The following NANOGNB variants were observed in gnomAD, a reference collection of about 807,000 sequenced individuals.
NANOGNB encodes NANOG neighbor homeobox.
In NANOGNB, 30 loss-of-function variants were observed where a neutral mutation model predicts 25.0. That is an observed-to-expected ratio of 1.20 (90% CI 0.90 to 1.63). NANOGNB has a LOEUF of 1.63. Ranked by LOEUF, NANOGNB falls within the 40% of genes most tolerant of loss-of-function variation. NANOGNB has a pLI of 0.00. For missense variants in NANOGNB, 200 were observed against 188.1 expected, an observed-to-expected ratio of 1.06 and a Z score of -0.37; for synonymous variants, 84 against 62.1, an observed-to-expected ratio of 1.35 and a Z score of -1.66.
chr12:7,771,326 T>G (rs1035350560), intron 3 of NANOGNB, among the ~76,000 whole-genome samples: 4 of 151,984 alleles, frequency 2.6e-5, no homozygotes, highest in Non-Finnish European at 5.9e-5. Context: ...GTTCACACCA[T>G]TCTCCTGCCT....
In NANOGNB at chr12:7,770,056, G is replaced by A. The variant is rs1218520248; in HGVS notation, c.176G>A (p.Gly59Glu). ...TGNYSEDEQN[G>E]KQKWREEGEA... ...AATTACAGTGAAGATGAACAAAATG[G>A]AAAGCAGAAATGGAGAGAAGAAGGA... Residue 59 changes from glycine to glutamate, a missense_variant, in exon 2 of 4, where the codon GGA becomes GAA. Coordinates refer to ENST00000382119, the MANE Select transcript of NANOGNB (RefSeq NM_001145465.1). The A allele has an allele frequency of 3.2e-6, 5 of 1,541,042 alleles. No individual in the cohort carries two copies. The South Asian group carries it at 6.1e-5, about 19-fold the overall frequency.
chr12:7,767,728 C>A (rs1865257444), intron 1 of NANOGNB, among the ~76,000 whole-genome samples: 1 of 150,746 alleles, frequency 6.6e-6, no homozygotes, highest in African/African-American at 2.4e-5. Flanking sequence ...TGTATTTCAA[C>A]TTTCACTTAA....
chr12:7,772,573 G>A (rs895462340), intron 3 of NANOGNB, among the ~76,000 whole-genome samples: 2 of 121,336 alleles, frequency 1.6e-5, no homozygotes, highest in African/African-American at 6.3e-5. Context: ...CACCGCACCC[G>A]GCCTTTTTTT....
chr12:7,765,292 C>G lies in NANOGNB; in HGVS notation c.7C>G (p.Arg3Gly), dbSNP rs775855759. Residue 3 changes from arginine (R) to glycine (G), a missense_variant, in exon 1 of 4, where the codon CGG becomes GGG. Physicochemically the swap from Arg to Gly is moderately radical, Grantham distance 125. Transcript: ENST00000382119. MH[R>G]ARWLTPVIPA... ...TGGTCTTTAAAACTCCTCAATGCAC[C>G]GGGCGCGGTGGCTCACGCCTGTAAT... is the stretch of plus-strand genomic sequence containing the variant. The G allele has an allele frequency of 1.9e-5, 24 of 1,280,506 alleles. No homozygotes were observed. Among genetic ancestry groups the G allele is most frequent in the Non-Finnish European group, 2.3e-5 (23 of 981,482 alleles). The allele number at this position is 1,280,506 out of a possible 1,614,324, so 79.3% of individuals were successfully genotyped here.
chr12:7,772,033 G>A (rs1862573012), intron 3 of NANOGNB, among the ~76,000 whole-genome samples: 1 of 152,184 alleles, frequency 6.6e-6, no homozygotes, highest in African/African-American at 2.4e-5. Context: ...ATGGAGGATT[G>A]CAAAGATCAT....
At chr12:7,770,353 CAA>C (rs1348048108) in intron 2 of NANOGNB, 38 bp downstream of exon 2, 5 of 1,517,838 alleles carry the variant, frequency 3.3e-6, no homozygotes, top group Non-Finnish European at 3.5e-6. Flanking sequence ...CATTGATAGA[CAA>C]AGTCACTTGT....
rs1160487787 is a variant in NANOGNB at position 7,765,410 on chromosome 12, AAT to A, written c.102+25_102+26del. ...AAGGTAAAACCCCGTTTCTACTAAA[AAT>A]ACAAAAAATTAGCTGGGCGTGGTGG... On this transcript the variant is annotated intron_variant, in intron 1 of 3. Transcript: ENST00000382119. The A allele has an allele frequency of 1.3e-5, 5 of 378,306 alleles. No homozygotes were observed. In the Admixed American group the frequency reaches 1.5e-4, roughly 12 times the overall value. 23.4% of individuals were successfully genotyped at this position (378,306 alleles called of 1,614,324 possible). A position where few individuals can be genotyped will look rare whatever the true frequency, so the allele number is the denominator to read the frequency against.
chr12:7,766,476 A>G (rs1427523208), intron 1 of NANOGNB, among the ~76,000 whole-genome samples: 1 of 152,226 alleles, frequency 6.6e-6, no homozygotes, highest in Non-Finnish European at 1.5e-5. Flanking sequence ...CCGTCTCAAC[A>G]AAACAAAACA....
intron 3 of NANOGNB, among the ~76,000 whole-genome samples, chr12:7,772,397 C>T (rs961861897): frequency 7.9e-5 from 12 of 151,826 alleles, no homozygotes; most frequent in Non-Finnish European, 1.6e-4. Flanking sequence ...TCTGCCCCAG[C>T]CTCCTGAGTA....
chr12:7,769,214 C>T (rs1865271168), intron 1 of NANOGNB, among the ~76,000 whole-genome samples: 1 of 152,008 alleles, frequency 6.6e-6, no homozygotes, highest in South Asian at 2.1e-4. Context: ...GGCTAGAGTG[C>T]AATGGTGCGA....
chr12:7,769,998 C>T lies in NANOGNB; in HGVS notation c.118C>T (p.Pro40Ser). The change falls in exon 2 of 4, where the codon CCT (proline) becomes TCT (serine). Residue 40 changes from proline (P) to serine (S), a missense_variant. By Grantham distance (74) the Pro-to-Ser change is moderately conservative (BLOSUM62 -1). Transcript: ENST00000382119. ...TTTTATACAGAAACAATCAGCTATG[C>T]CTTGGGATCAAGATCCAGAACAATC... ...ILANKKQSAM[P>S]WDQDPEQSTG... is the part of the protein sequence containing the mutation. The T allele has an allele frequency of 6.6e-7, 1 of 1,515,226 alleles. No individual in the cohort carries two copies. The highest frequency in any genetic ancestry group is 8.8e-7 in the Non-Finnish European group (1 of 1,136,446). 93.9% of individuals were successfully genotyped at this position (1,515,226 alleles called of 1,614,324 possible).
chr12:7,772,922 C>T (rs779534146), intron 3 of NANOGNB, among the ~76,000 whole-genome samples: 1 of 151,992 alleles, frequency 6.6e-6, no homozygotes, highest in African/African-American at 2.4e-5. Flanking sequence ...GGCCCAGGAT[C>T]TATTCTTATG....
At chr12:7,767,352 A>G (rs750339451) in intron 1 of NANOGNB, among the ~76,000 whole-genome samples, 1 of 151,882 alleles carries the variant, frequency 6.6e-6, no homozygotes, top group South Asian at 2.1e-4. Flanking sequence ...GAGGAGTGGT[A>G]GCAATAGAAG....
intron 3 of NANOGNB, among the ~76,000 whole-genome samples, chr12:7,771,470 C>T (rs759710379): frequency 3.5e-4 from 53 of 152,060 alleles, no homozygotes; most frequent in Admixed American, 1.4e-3. Flanking sequence ...CCGCCTGCCT[C>T]GGCCTCCGAA....
intron 1 of NANOGNB, 74 bp from the exon 2 acceptor site, chr12:7,769,909 G>A: frequency 9.6e-7 from 1 of 1,037,646 alleles, no homozygotes; most frequent in Non-Finnish European, 1.4e-6. Context: ...TTCTCCCAGG[G>A]AAGATTGTTG....
At chr12:7,765,712 G>A (rs1865240005) in intron 1 of NANOGNB, among the ~76,000 whole-genome samples, 1 of 152,130 alleles carries the variant, frequency 6.6e-6, no homozygotes, top group South Asian at 2.1e-4. Flanking sequence ...TCAAACCACT[G>A]GGCAGATGGA....
intron 1 of NANOGNB, among the ~76,000 whole-genome samples, chr12:7,767,763 T>C (rs1865257862): frequency 1.3e-5 from 2 of 151,722 alleles, no homozygotes. Context: ...TCCTCTTTTT[T>C]TTTTTTTTTT....
At chr12:7,771,172 A>G (rs1441964694) in intron 3 of NANOGNB, among the ~76,000 whole-genome samples, 1 of 152,176 alleles carries the variant, frequency 6.6e-6, no homozygotes, top group Non-Finnish European at 1.5e-5. Context: ...GCAAAAGCTC[A>G]TGTGATTTTT....
chr12:7,771,244 G>A (rs182772139), intron 3 of NANOGNB, among the ~76,000 whole-genome samples: 17 of 152,230 alleles, frequency 1.1e-4, no homozygotes, highest in Non-Finnish European at 4.4e-5. Flanking sequence ...TTTTTGAGAC[G>A]GAGTCTTGCG....
Sources: gnomAD v4.1 joint callset for allele counts (sites outside exome capture counted in the v4.1 genomes callset) on GRCh38, gnomAD v4.1.1 for gene constraint, MANE v1.5 for transcripts, NCBI Gene and HGNC (gene_info 2026-07-23, HGNC 2026-07-21) for gene names.